The following NIM1K variants were observed in gnomAD, a reference collection of about 807,000 sequenced individuals.
NIM1K encodes the protein serine/threonine-protein kinase NIM1.
A neutral mutation model predicts 37.1 loss-of-function variants in NIM1K; 35 were observed. The observed-to-expected ratio is 0.94, with a 90% CI of 0.72 to 1.25. The LOEUF is 1.25. Ranked by LOEUF, NIM1K falls within the 50% of genes most tolerant of loss-of-function variation. NIM1K has a pLI of 0.00. For synonymous variants in NIM1K, 234 were observed against 206.6 expected (o/e 1.13, Z -1.14); for missense variants, 564 against 548.0 (o/e 1.03, Z -0.29).
chr5:43,240,770 CAAAT>C (rs1752688839), intron 1 of NIM1K, among the ~76,000 whole-genome samples: 1 of 151,832 alleles, frequency 6.6e-6, no homozygotes, highest in African/African-American at 2.4e-5. Context: ...CTCCTGACCT[CAAAT>C]GATCCACCCA....
intron 1 of NIM1K, among the ~76,000 whole-genome samples, chr5:43,200,729 A>G (rs1219408927): frequency 6.6e-6 from 1 of 152,218 alleles, no homozygotes; most frequent in African/African-American, 2.4e-5. Context: ...ATGAGTGTGA[A>G]TTGACAAAGA....
chr5:43,227,705 A>T (rs1182304562), intron 1 of NIM1K, among the ~76,000 whole-genome samples: 133 of 152,246 alleles, frequency 8.7e-4, no homozygotes, highest in Non-Finnish European at 4.4e-5. Context: ...TAAAAAATTT[A>T]TTATTTATTA....
At chr5:43,209,517 A>AT (rs77857448) in intron 1 of NIM1K, among the ~76,000 whole-genome samples, 17 of 145,444 alleles carry the variant, frequency 1.2e-4, no homozygotes, top group South Asian at 4.3e-4. Context: ...GTTTGTGGTG[A>AT]TTTTTTTTTT....
At chr5:43,229,150 G>C (rs1484267991) in intron 1 of NIM1K, among the ~76,000 whole-genome samples, 2 of 152,184 alleles carry the variant, frequency 1.3e-5, no homozygotes, top group South Asian at 2.1e-4. Context: ...GGGAGGCCAA[G>C]GCAGGTGGAT....
At position 43,228,152 on chromosome 5, in the gene NIM1K, C is replaced by CT. The variant is rs1231293441; in HGVS notation, c.-694-16918dup. 6.3e-3 allele frequency among the ~76,000 whole-genome samples: 923 copies of CT among 145,428 alleles called. 5 individuals are homozygous for CT. Among genetic ancestry groups the CT allele is most frequent in the African/African-American group, 0.021 (846 of 39,932 alleles). The stretch of plus-strand genomic sequence containing the variant: ...ATTCTCATAACTCCTTGGTTGAGAC[C>CT]TTTTTTTTTTTTGACTTGGAGTCTC... On this transcript the variant is annotated intron_variant, in intron 1 of 3. Transcript: ENST00000326035.
intron 1 of NIM1K, among the ~76,000 whole-genome samples, chr5:43,230,924 A>G (rs1197869080): frequency 4.6e-5 from 7 of 152,122 alleles, no homozygotes; most frequent in African/African-American, 1.4e-4. Flanking sequence ...CCCAGTAGTG[A>G]CTCCAGCATT....
intron 2 of NIM1K, among the ~76,000 whole-genome samples, chr5:43,263,389 A>G (rs1247492945): frequency 6.6e-6 from 1 of 151,942 alleles, no homozygotes; most frequent in African/African-American, 2.4e-5. Context: ...TTTCTAGTTT[A>G]TTTGCAGAGT....
rs75685571 is a variant in NIM1K at position 43,223,935 on chromosome 5, G to A, written c.-694-21147G>A. On this transcript the variant is annotated intron_variant, in intron 1 of 3. Transcript: ENST00000326035. ...AAACACTAATTAAAGACTGTCCCTC[G>A]TTTGTTTTATTGTGCAAAAATAGCA... Among the ~76,000 whole-genome samples, 1,485 of 151,110 alleles carry A rather than the reference G, an allele frequency of 9.8e-3. 17 individuals are homozygous for A. Among genetic ancestry groups the A allele is most frequent in the African/African-American group, 0.032 (1,305 of 41,150 alleles).
chr5:43,261,204 T>G (rs1315960455), intron 2 of NIM1K, among the ~76,000 whole-genome samples: 3 of 152,264 alleles, frequency 2.0e-5, no homozygotes, highest in Admixed American at 6.5e-5. Context: ...CCTCAATGGT[T>G]GAACTAGTTT....
chr5:43,223,630 CT>C (rs1162089299), intron 1 of NIM1K, among the ~76,000 whole-genome samples: 4 of 152,096 alleles, frequency 2.6e-5, no homozygotes, highest in Admixed American at 1.3e-4. Context: ...TGTTACTTTC[CT>C]TTTGTTAAAT....
At position 43,220,047 on chromosome 5, in the gene NIM1K, G is replaced by A. The variant is rs150199863; in HGVS notation, c.-694-25035G>A. Among the ~76,000 whole-genome samples the A allele has an allele frequency of 2.5e-3, 373 of 152,094 alleles. 2 individuals are homozygous for A. Among genetic ancestry groups the A allele is most frequent in the Non-Finnish European group, 3.4e-3 (232 of 67,964 alleles). ...GCCAATTGTGTCCTTTGATGCATAC[G>A]ATTTTTAAATTTTGATAATGCCCAG... On this transcript the variant is annotated intron_variant, in intron 1 of 3. Transcript: ENST00000326035.
Position 43,277,085 on chromosome 5 carries a change from G to A in NIM1K, c.321G>A (p.Lys107=). ...AGGTGGCCATTAAGATCCTGGACAA[G>A]ACCAAGTTAGACCAGAAAACCCAGA... ...KEKVAIKILD[K]TKLDQKTQRL... Residue 107 remains lysine (K), a synonymous_variant, in exon 3 of 4, where the codon AAG becomes AAA. Coordinates refer to ENST00000326035, the MANE Select transcript of NIM1K (RefSeq NM_153361.4). 6.2e-7 allele frequency: 1 copy of A among 1,614,048 alleles called. No individual in the cohort carries two copies. The highest frequency in any genetic ancestry group is 1.7e-5 in the Admixed American group (1 of 60,004).
chr5:43,264,945 C>T (rs930033005), intron 2 of NIM1K, among the ~76,000 whole-genome samples: 1 of 152,158 alleles, frequency 6.6e-6, no homozygotes, highest in African/African-American at 2.4e-5. Flanking sequence ...TGAATATTGG[C>T]CCCCACTCTC....
chr5:43,259,478 C>A (rs994239360), intron 2 of NIM1K, among the ~76,000 whole-genome samples: 4 of 152,242 alleles, frequency 2.6e-5, no homozygotes, highest in African/African-American at 7.2e-5. Flanking sequence ...ACCATTCTGG[C>A]TGGGGTAAAG....
rs187563546 is a variant in NIM1K, at chr5:43,235,660, T to G, written c.-694-9422T>G. ...GAAAATGTCAATGACAAAAATGTAT[T>G]CAGTAAGGATGAATTAGATGGTTAA... On this transcript the variant is annotated intron_variant, in intron 1 of 3. Coordinates refer to ENST00000326035, the MANE Select transcript of NIM1K (RefSeq NM_153361.4). Among the ~76,000 whole-genome samples, 620 of 152,346 alleles carry G rather than the reference T, an allele frequency of 4.1e-3. 2 individuals are homozygous for G. The highest frequency in any genetic ancestry group is 6.6e-3 in the Non-Finnish European group (447 of 68,044).
At chr5:43,198,184 T>A (rs1579950740) in intron 1 of NIM1K, among the ~76,000 whole-genome samples, 1 of 56,276 alleles carries the variant, frequency 1.8e-5, no homozygotes, top group African/African-American at 7.2e-5. Context: ...TCTTTCTTTC[T>A]TTCTTTCTTT....
At chr5:43,202,482 T>C (rs1752045108) in intron 1 of NIM1K, among the ~76,000 whole-genome samples, 1 of 152,196 alleles carries the variant, frequency 6.6e-6, no homozygotes, top group Non-Finnish European at 1.5e-5. Context: ...TGGGTCTGTT[T>C]ATTCCAATAC....
intron 1 of NIM1K, among the ~76,000 whole-genome samples, chr5:43,240,024 T>C (rs1449907241): frequency 6.6e-6 from 1 of 152,086 alleles, no homozygotes; most frequent in African/African-American, 2.4e-5. Flanking sequence ...ACACCAACTA[T>C]GTAAGGTGGC....
At chr5:43,216,560 G>A (rs915295967) in intron 1 of NIM1K, among the ~76,000 whole-genome samples, 2 of 152,240 alleles carry the variant, frequency 1.3e-5, no homozygotes, top group African/African-American at 2.4e-5. Context: ...TGAGCAAGAA[G>A]TATTTTGGTA....
Sources: gnomAD v4.1 joint callset for allele counts (sites outside exome capture counted in the v4.1 genomes callset) on GRCh38, gnomAD v4.1.1 for gene constraint, MANE v1.5 for transcripts, NCBI Gene and HGNC (gene_info 2026-07-23, HGNC 2026-07-21) for gene names.